Variants in PTK2 observed in about 807,000 individuals in gnomAD.
The protein encoded by PTK2 is protein tyrosine kinase 2.
In PTK2, 45 loss-of-function variants were observed where a neutral mutation model predicts 150.1. That is an observed-to-expected ratio of 0.30 (90% CI 0.24 to 0.38). The LOEUF (loss-of-function observed/expected upper bound fraction) is 0.38. Among genes scored for constraint, PTK2 ranks in the 10% least tolerant of loss-of-function variants. The probability of loss-of-function intolerance (pLI) is 1.00; values close to 1 mark genes in which losing one functional copy is unlikely to be tolerated. For synonymous variants in PTK2, 432 were observed against 449.2 expected (o/e 0.96, Z 0.48); for missense variants, 919 against 1,307.3 (o/e 0.70, Z 4.58).
intron 1 of PTK2, among the ~76,000 whole-genome samples, chr8:140,930,271 T>C (rs915634477): frequency 7.9e-5 from 12 of 152,210 alleles, no homozygotes; most frequent in African/African-American, 2.4e-4. Context: ...AAAATACTCA[T>C]TAACAACAAA....
intron 2 of PTK2, among the ~76,000 whole-genome samples, chr8:140,907,989 G>A (rs1290524671): frequency 2.6e-5 from 4 of 152,096 alleles, no homozygotes; most frequent in East Asian, 1.9e-4. Flanking sequence ...TAAATCAAAC[G>A]CTAGAAATGA....
At chr8:140,956,815 A>T (rs2154609248) in intron 1 of PTK2, among the ~76,000 whole-genome samples, 1 of 152,356 alleles carries the variant, frequency 6.6e-6, no homozygotes, top group East Asian at 1.9e-4. Context: ...CTGTAATCCC[A>T]GCACTTTGGG....
intron 1 of PTK2, among the ~76,000 whole-genome samples, chr8:140,995,494 A>G (rs1307263517): frequency 6.6e-6 from 1 of 152,094 alleles, no homozygotes; most frequent in African/African-American, 2.4e-5. Context: ...GATTACGCTT[A>G]GTGAGAAAAA....
rs138750725 is a variant in PTK2, at chr8:140,903,643, T to C, written c.-32-12874A>G. Reference sequence around the variant, plus strand: ...ATTCTTCCTACCCATGAGCATGGAATGTTTTTCCATTTGTTTGTGTCCTCT... The same window carrying C: ...ATTCTTCCTACCCATGAGCATGGAACGTTTTTCCATTTGTTTGTGTCCTCT... On this transcript the variant is annotated intron_variant, in intron 2 of 31. Coordinates refer to ENST00000522684, the Ensembl canonical transcript of PTK2. 9.5e-3 allele frequency among the ~76,000 whole-genome samples: 1,453 copies of C among 152,332 alleles called. 7 individuals are homozygous for C. The highest frequency in any genetic ancestry group is 0.015 in the Non-Finnish European group (1,011 of 68,026).
intron 26 of PTK2, chr8:140,687,234 T>C (rs2100020471): frequency 6.4e-6 from 1 of 155,498 alleles, no homozygotes; most frequent in Non-Finnish European, 1.4e-5. Flanking sequence ...GCCTTTATGG[T>C]GAAGGAACAG....
intron 29 of PTK2, among the ~76,000 whole-genome samples, chr8:140,673,020 T>G (rs1378307554): frequency 1.3e-5 from 2 of 152,110 alleles, no homozygotes; most frequent in African/African-American, 4.8e-5. Flanking sequence ...AGTCAATAAA[T>G]GGTGGTTATT....
At chr8:140,665,332 T>A (rs571636974) in intron 30 of PTK2, among the ~76,000 whole-genome samples, 1 of 152,066 alleles carries the variant, frequency 6.6e-6, no homozygotes, top group Non-Finnish European at 1.5e-5. Context: ...TGGCTCCAAC[T>A]GCCAACCCTG....
chr8:140,688,455 T>G (rs1307604818), intron 26 of PTK2, among the ~76,000 whole-genome samples: 1 of 121,494 alleles, frequency 8.2e-6, no homozygotes, highest in Non-Finnish European at 1.9e-5. Flanking sequence ...GGTGTGTGCC[T>G]GCAATTTCAC....
chr8:140,761,531 G>A (rs892386372), intron 15 of PTK2, among the ~76,000 whole-genome samples: 2 of 151,910 alleles, frequency 1.3e-5, no homozygotes, highest in Admixed American at 6.6e-5. Context: ...TTAAATTTCC[G>A]ATTTATTTTA....
rs145578106 is a variant in PTK2, at chr8:140,906,397, C to T, written c.-32-15628G>A. Among the ~76,000 whole-genome samples, 355 of 152,288 alleles carry T rather than the reference C, an allele frequency of 2.3e-3. 7 individuals are homozygous for T. Among genetic ancestry groups the T allele is most frequent in the Non-Finnish European group, 1.1e-3 (72 of 68,006 alleles). On this transcript the variant is annotated intron_variant, in intron 2 of 31. Transcript: ENST00000522684. ...TTGAAGTGATATCTGCATCCCCATT[C>T]TTATTACAGCCCTATTCACAACAGC...
intron 14 of PTK2, among the ~76,000 whole-genome samples, chr8:140,779,245 G>T (rs1312345026): frequency 4.5e-5 from 5 of 112,074 alleles, no homozygotes; most frequent in East Asian, 2.2e-4. Flanking sequence ...CTGGGCGATG[G>T]AAAAAAAAAA....
chr8:140,907,956 G>T (rs189789948), intron 2 of PTK2, among the ~76,000 whole-genome samples: 1 of 152,018 alleles, frequency 6.6e-6, no homozygotes, highest in Non-Finnish European at 1.5e-5. Context: ...CAAGTGAAAC[G>T]AACAGTCCCA....
At chr8:140,734,692 A>G (rs768005400) in intron 22 of PTK2, 20 of 512,926 alleles carry the variant, frequency 3.9e-5, no homozygotes, top group Non-Finnish European at 7.4e-5. Flanking sequence ...TAAAAACAGA[A>G]GTATTCAAAA....
At chr8:140,705,905 C>T (rs1170691021) in intron 24 of PTK2, among the ~76,000 whole-genome samples, 1 of 152,226 alleles carries the variant, frequency 6.6e-6, no homozygotes, top group Admixed American at 6.5e-5. Context: ...AGGCCCTGGT[C>T]CTGCCCACTC....
chr8:140,709,756 T>G (rs1385723212), intron 23 of PTK2, among the ~76,000 whole-genome samples: 4 of 152,140 alleles, frequency 2.6e-5, no homozygotes, highest in Non-Finnish European at 5.9e-5. Context: ...GACAGAAACT[T>G]GGATTTTAAT....
intron 8 of PTK2, among the ~76,000 whole-genome samples, chr8:140,819,953 T>G (rs367703377): frequency 3.3e-5 from 5 of 151,774 alleles, no homozygotes; most frequent in East Asian, 1.9e-4. Flanking sequence ...AAAGGGAATG[T>G]GATGAGGTCT....
chr8:140,967,441 ATTTCTTTC>A (rs1208751183), intron 1 of PTK2, among the ~76,000 whole-genome samples: 1 of 147,910 alleles, frequency 6.8e-6, no homozygotes, highest in East Asian at 2.0e-4. Flanking sequence ...CAAACCCAGT[ATTTCTTTC>A]TTTCTTTCTT....
At chr8:140,672,745 A>G (rs930386083) in intron 29 of PTK2, among the ~76,000 whole-genome samples, 1 of 152,192 alleles carries the variant, frequency 6.6e-6, no homozygotes, top group African/African-American at 2.4e-5. Flanking sequence ...TAACTTTCTG[A>G]TGACTCTGAG....
Position 140,706,072 on chromosome 8 carries a change from G to A in PTK2, c.2229+47C>T, listed in dbSNP as rs569838032. The A allele has an allele frequency of 1.4e-5, 20 of 1,459,984 alleles. No individual in the cohort carries two copies. The African/African-American group carries it at 1.8e-4, about 13-fold the overall frequency. 90.4% of individuals were successfully genotyped at this position (1,459,984 alleles called of 1,614,324 possible). On this transcript the variant is annotated intron_variant, in intron 24 of 31. Coordinates refer to ENST00000522684, the Ensembl canonical transcript of PTK2. The stretch of plus-strand genomic sequence containing the variant: ...CAATGTACCGCTCTACCCCAAAAGC[G>A]CTAAATAATAAAATAACACAGTTTA...
Sources: allele counts gnomAD v4.1 joint callset (sites outside exome capture counted in the v4.1 genomes callset), GRCh38; gene constraint gnomAD v4.1.1; transcripts MANE v1.5; gene names NCBI Gene and HGNC (gene_info 2026-07-23, HGNC 2026-07-21).